Variants in NOTCH2 observed in about 807,000 individuals in gnomAD.
NOTCH2 encodes neurogenic locus notch homolog protein 2.
A neutral mutation model predicts 235.8 loss-of-function variants in NOTCH2; 29 were observed. That is an observed-to-expected ratio of 0.12 (90% confidence interval 0.09 to 0.17). The LOEUF (loss-of-function observed/expected upper bound fraction) is 0.17. Ranked by LOEUF, NOTCH2 falls within the 10% of genes least tolerant of loss-of-function variation. NOTCH2 has a pLI of 1.00. For missense variants in NOTCH2, 2,285 were observed against 3,150.2 expected (o/e 0.73, Z 6.57); for synonymous variants, 1,086 against 1,141.5 (o/e 0.95, Z 0.98).
intron 16 of NOTCH2, 121 bp downstream of exon 16, chr1:119,948,886 C>T: frequency 7.7e-7 from 1 of 1,300,452 alleles, no homozygotes; most frequent in Non-Finnish European, 1.1e-6. Flanking sequence ...AACCTGTGTG[C>T]TCTTGACAAG....
chr1:119,979,916 G>T (rs1651747085), intron 5 of NOTCH2, among the ~76,000 whole-genome samples: 1 of 151,980 alleles, frequency 6.6e-6, no homozygotes. Context: ...GTAGATAGAT[G>T]AATTGAAGTC....
chr1:119,953,773 T>C (rs1650578055), intron 13 of NOTCH2, 85 bp from the exon 14 acceptor site: 4 of 1,153,116 alleles, frequency 3.5e-6, no homozygotes, highest in Admixed American at 1.7e-5. Flanking sequence ...GGTGAAGAAA[T>C]GGGGTAAACT....
At position 119,969,564 on chromosome 1, in the gene NOTCH2, G is replaced by C; in HGVS notation, c.1055C>G (p.Thr352Ser). 6.2e-7 allele frequency: 1 copy of C among 1,614,040 alleles called. No individual in the cohort carries two copies. Among genetic ancestry groups the C allele is most frequent in the Non-Finnish European group, 8.5e-7 (1 of 1,179,978 alleles). The change falls in exon 6 of 34, where the codon ACC becomes AGC. Residue 352 changes from threonine (T) to serine (S), a missense_variant. Coordinates refer to ENST00000256646, the MANE Select transcript of NOTCH2 (RefSeq NM_024408.4). ...GAAGGAGGCCACACGGTCGATGCAG[G>C]TGGAGCCTGGAGTACAGGAGGCGAA... ...CAFASCTPGS[T>S]CIDRVASFSC...
chr1:120,017,818 C>G (rs373190774), intron 2 of NOTCH2, among the ~76,000 whole-genome samples: 3 of 150,720 alleles, frequency 2.0e-5, no homozygotes, highest in African/African-American at 7.3e-5. Flanking sequence ...TACACACACA[C>G]AGTCCTCATT....
chr1:120,006,071 T>G (rs1271652480), intron 2 of NOTCH2, among the ~76,000 whole-genome samples: 1 of 152,020 alleles, frequency 6.6e-6, no homozygotes, highest in East Asian at 1.9e-4. Context: ...TAAGATATCA[T>G]GTGCTTTTCC....
chr1:120,008,916 G>A (rs1434915376), intron 2 of NOTCH2, among the ~76,000 whole-genome samples: 2 of 152,018 alleles, frequency 1.3e-5, no homozygotes, highest in Non-Finnish European at 2.9e-5. Context: ...GGAGTTAAGT[G>A]CTGTGAAAAA....
intron 13 of NOTCH2, 107 bp from the exon 14 acceptor site, chr1:119,953,795 T>C (rs1553198118): frequency 2.1e-6 from 2 of 973,332 alleles, no homozygotes; most frequent in African/African-American, 3.2e-5. Context: ...ATCTCATTTC[T>C]ACTTTCATGG....
At chr1:119,999,293 G>A (rs1652615486) in intron 3 of NOTCH2, among the ~76,000 whole-genome samples, 1 of 147,764 alleles carries the variant, frequency 6.8e-6, no homozygotes, top group South Asian at 2.2e-4. Flanking sequence ...TCATAGAAAG[G>A]TAAATGGGAG....
intron 9 of NOTCH2, among the ~76,000 whole-genome samples, 193 bp from the exon 10 acceptor site, chr1:119,965,759 A>G (rs587604560): frequency 6.6e-6 from 1 of 152,346 alleles, no homozygotes; most frequent in South Asian, 2.1e-4. Flanking sequence ...GTGTGTCTCT[A>G]CCATTGCTTC....
intron 2 of NOTCH2, among the ~76,000 whole-genome samples, chr1:120,017,328 G>A (rs2101285056): frequency 6.6e-6 from 1 of 151,372 alleles, no homozygotes; most frequent in Non-Finnish European, 1.5e-5. Flanking sequence ...ATTTCATTAA[G>A]TCTCAACTTA....
chr1:120,045,643 C>G (rs1553213498), intron 1 of NOTCH2, among the ~76,000 whole-genome samples: 1 of 152,030 alleles, frequency 6.6e-6, no homozygotes, highest in African/African-American at 2.4e-5. Flanking sequence ...AAACAGTATT[C>G]CCTCTTAAGG....
At chr1:119,945,955 T>C (rs1259125409) in intron 17 of NOTCH2, among the ~76,000 whole-genome samples, 2 of 151,978 alleles carry the variant, frequency 1.3e-5, no homozygotes, top group East Asian at 3.8e-4. Context: ...ATTCTTCCCT[T>C]TCAAAGAAAG....
At chr1:119,942,814 G>A (rs1255674568) in intron 17 of NOTCH2, among the ~76,000 whole-genome samples, 3 of 151,006 alleles carry the variant, frequency 2.0e-5, no homozygotes, top group African/African-American at 7.3e-5. Context: ...TCCATCAATT[G>A]TGCCTTGGAT....
In NOTCH2 at chr1:119,968,632, C is replaced by T. The variant is rs587654088; in HGVS notation, c.1109-400G>A. Among the ~76,000 whole-genome samples, 9 of 152,296 alleles carry T rather than the reference C, an allele frequency of 5.9e-5. No individual in the cohort carries two copies. The South Asian group carries it at 1.9e-3, about 32-fold the overall frequency. On this transcript the variant is annotated intron_variant, in intron 6 of 33. Coordinates refer to ENST00000256646, the MANE Select transcript of NOTCH2 (RefSeq NM_024408.4). ...AGTATGTCTCAAATATTCCATACAT[C>T]CTATATTTTATCCGGAATCCTACTT...
chr1:120,058,596 CT>C (rs1655208031), intron 1 of NOTCH2, among the ~76,000 whole-genome samples: 1 of 146,050 alleles, frequency 6.8e-6, no homozygotes, highest in Non-Finnish European at 1.5e-5. Context: ...CACCTAACCC[CT>C]GTGAGGCTCC....
At chr1:120,045,532 A>C (rs587661576) in intron 1 of NOTCH2, among the ~76,000 whole-genome samples, 114 of 147,024 alleles carry the variant, frequency 7.8e-4, no homozygotes, top group South Asian at 7.5e-3. Context: ...AACCAAACTA[A>C]TCATCATATG....
intron 25 of NOTCH2, 126 bp downstream of exon 25, chr1:119,925,179 G>T: frequency 8.3e-7 from 1 of 1,197,732 alleles, no homozygotes; most frequent in Non-Finnish European, 1.2e-6. Flanking sequence ...GATGGGACAA[G>T]GCTGGCACCA....
chr1:120,011,333 C>A (rs1395429330), intron 2 of NOTCH2, among the ~76,000 whole-genome samples: 1 of 152,050 alleles, frequency 6.6e-6, no homozygotes, highest in African/African-American at 2.4e-5. Flanking sequence ...TATCTCTACC[C>A]TCTAGAACAA....
chr1:119,950,272 G>A (rs1389994147), intron 15 of NOTCH2: 3 of 357,386 alleles, frequency 8.4e-6, no homozygotes, highest in Non-Finnish European at 1.6e-5. Flanking sequence ...GCCTCCTCAT[G>A]TGTAAAATGG....
Sources: gnomAD v4.1 joint callset for allele counts (sites outside exome capture counted in the v4.1 genomes callset) on GRCh38, gnomAD v4.1.1 for gene constraint, MANE v1.5 for transcripts, NCBI Gene and HGNC (gene_info 2026-07-23, HGNC 2026-07-21) for gene names.